Variants in NKD1 observed in about 807,000 individuals in gnomAD.
The protein encoded by NKD1 is NKD inhibitor of Wnt signaling pathway 1.
NKD1 carries 21 observed loss-of-function variants against 56.0 expected under a neutral mutation model. The ratio of observed to expected loss-of-function variants is 0.38; its 90% confidence interval spans 0.27 to 0.54. NKD1 has a LOEUF of 0.54. NKD1 is among the 20% of genes least tolerant of loss of function. NKD1 has a pLI of 0.82. For missense variants in NKD1, 578 were observed against 642.7 expected (o/e 0.90, Z 1.09); for synonymous variants, 263 against 265.7 (o/e 0.99, Z 0.10).
chr16:50,588,598 CTT>C (rs574622414), intron 3 of NKD1, among the ~76,000 whole-genome samples: 28 of 94,674 alleles, frequency 3.0e-4, no homozygotes, highest in African/African-American at 1.2e-3. Context: ...TTTTCTTCTG[CTT>C]TTTTTTTTTT....
chr16:50,559,621 T>C (rs1960578398), intron 3 of NKD1, among the ~76,000 whole-genome samples: 1 of 151,908 alleles, frequency 6.6e-6, no homozygotes, highest in African/African-American at 2.4e-5. Context: ...CACTGTATGT[T>C]GCATCCCGTC....
chr16:50,574,786 A>C, intron 3 of NKD1: 1 of 985,458 alleles, frequency 1.0e-6, no homozygotes, highest in Non-Finnish European at 1.2e-6. Context: ...CCCTGTAAAA[A>C]TAAAAAGTTA....
chr16:50,553,570 C>T (rs1960436807), intron 3 of NKD1: 1 of 152,162 alleles, frequency 6.6e-6, no homozygotes, highest in South Asian at 2.1e-4. Flanking sequence ...GCCCGAGTGC[C>T]AGATTCCAAG....
At chr16:50,585,911 C>T (rs1486776127) in intron 3 of NKD1, among the ~76,000 whole-genome samples, 2 of 152,210 alleles carry the variant, frequency 1.3e-5, no homozygotes, top group East Asian at 3.8e-4. Context: ...GTAAAGCACC[C>T]TCTTCACAAG....
rs1408236637 is a variant in NKD1, at chr16:50,633,196, C to G, written c.828C>G (p.Ser276=). 1 of 1,602,290 alleles carries G rather than the reference C, an allele frequency of 6.2e-7. No homozygotes were observed. The highest frequency in any genetic ancestry group is 8.5e-7 in the Non-Finnish European group (1 of 1,172,162). ...GTCTGTTGAATTGGTTCCTAGGCTC[C>G]CCTTCCGTGGCCCAGAAGTCAGAAC... The part of the protein sequence containing the change: ...ENYTSQFGPG[S]PSVAQKSELP... Residue 276 remains serine (S), a synonymous_variant, in exon 10 of 10, where the codon TCC becomes TCG. Transcript: ENST00000268459. The surrounding 1 kb of genome is among the most constrained non-coding windows in gnomAD (Gnocchi z 4.9).
chr16:50,629,663 C>T (rs1165978330), intron 6 of NKD1, among the ~76,000 whole-genome samples: 1 of 152,238 alleles, frequency 6.6e-6, no homozygotes, highest in East Asian at 1.9e-4. Flanking sequence ...CTTAGGGAGG[C>T]TGAGGCTGGA....
intron 3 of NKD1, among the ~76,000 whole-genome samples, chr16:50,582,190 T>A (rs1238960792): frequency 1.3e-5 from 2 of 152,192 alleles, no homozygotes; most frequent in Non-Finnish European, 2.9e-5. Flanking sequence ...TCAGTGGGCC[T>A]CAGATCATGA....
intron 3 of NKD1, among the ~76,000 whole-genome samples, chr16:50,562,809 G>A (rs117381127): frequency 2.6e-5 from 4 of 152,182 alleles, no homozygotes; most frequent in Non-Finnish European, 5.9e-5. Flanking sequence ...CCTAATGAGC[G>A]ACCCTACAGA....
chr16:50,551,332 G>A (rs1960379827), intron 3 of NKD1, among the ~76,000 whole-genome samples: 1 of 152,222 alleles, frequency 6.6e-6, no homozygotes, highest in East Asian at 1.9e-4. Context: ...GACAGCATGG[G>A]ATGGTGCCTG....
At position 50,548,506 on chromosome 16, in the gene NKD1, G is replaced by C. The variant is rs777648200; in HGVS notation, c.-48G>C. 19 of 1,374,262 alleles carry C rather than the reference G, an allele frequency of 1.4e-5. No individual in the cohort carries two copies. In the South Asian group the frequency reaches 2.4e-4, roughly 17 times the overall value. The allele number at this position is 1,374,262 out of a possible 1,614,324, so 85.1% of individuals were successfully genotyped here. The stretch of plus-strand genomic sequence containing the variant: ...GAGCCAAGGGAGGCGCCAGGCCCGC[G>C]GGCCGGGCGCATGGCTTAGGGACGC... On this transcript the variant is annotated 5_prime_UTR_variant, in exon 1 of 10. Coordinates refer to ENST00000268459, the MANE Select transcript of NKD1 (RefSeq NM_033119.5).
chr16:50,596,576 A>G (rs2151272913), intron 3 of NKD1, among the ~76,000 whole-genome samples: 1 of 152,316 alleles, frequency 6.6e-6, no homozygotes, highest in African/African-American at 2.4e-5. Context: ...ATGTAATCAC[A>G]TTTTCTCTGC....
At chr16:50,622,748 T>A (rs181671981) in intron 5 of NKD1, among the ~76,000 whole-genome samples, 8 of 152,298 alleles carry the variant, frequency 5.3e-5, no homozygotes, top group Middle Eastern at 3.4e-3. Flanking sequence ...TTCTCACCAA[T>A]GCTGATTGGC....
intron 3 of NKD1, among the ~76,000 whole-genome samples, chr16:50,579,626 A>C (rs1961071022): frequency 7.3e-6 from 1 of 137,726 alleles, no homozygotes; most frequent in Non-Finnish European, 1.5e-5. Flanking sequence ...CCCGCCACGC[A>C]TGCACTGTCT....
In NKD1 at chr16:50,633,553, C is replaced by G; in HGVS notation, c.1185C>G (p.Ala395=). The change falls in exon 10 of 10, where the codon GCC becomes GCG. Residue 395 remains alanine (A), a synonymous_variant. Coordinates refer to ENST00000268459, the MANE Select transcript of NKD1 (RefSeq NM_033119.5). This position sits in a 1 kb window ranked among gnomAD's most constrained non-coding sequence, Gnocchi z 4.9. ...AASPALLPSL[A]PLGHKKHKHR... Reference sequence around the variant, plus strand: ...GCCCGGCCCTCCTCCCCTCCCTAGCCCCCCTCGGGCACAAGAAGCACAAGC... The same window carrying G: ...GCCCGGCCCTCCTCCCCTCCCTAGCGCCCCTCGGGCACAAGAAGCACAAGC... 1 of 1,611,392 alleles carries G rather than the reference C, an allele frequency of 6.2e-7. No individual in the cohort carries two copies. Among genetic ancestry groups the G allele is most frequent in the South Asian group, 1.1e-5 (1 of 90,948 alleles).
chr16:50,548,770 G>C, intron 2 of NKD1, 21 bp downstream of exon 2: 1 of 1,392,842 alleles, frequency 7.2e-7, no homozygotes, highest in Non-Finnish European at 9.2e-7. Flanking sequence ...GCGGGGCGCA[G>C]ACCTCGGGGA....
At chr16:50,579,978 G>GCACACGCACCCTAACCTGCTA (rs1296514075) in intron 3 of NKD1, among the ~76,000 whole-genome samples, 4 of 150,598 alleles carry the variant, frequency 2.7e-5, no homozygotes, top group African/African-American at 9.8e-5. Flanking sequence ...GGTACCTGCT[G>GCACACGCACCCTAACCTGCTA]CACACGCACC....
At chr16:50,559,055 A>C (rs962570149) in intron 3 of NKD1, among the ~76,000 whole-genome samples, 38 of 152,356 alleles carry the variant, frequency 2.5e-4, no homozygotes, top group African/African-American at 8.2e-4. Context: ...TCCCAGCTGC[A>C]CTTCTCCCCA....
At chr16:50,565,777 G>T (rs1378132171) in intron 3 of NKD1, among the ~76,000 whole-genome samples, 1 of 152,164 alleles carries the variant, frequency 6.6e-6, no homozygotes, top group Admixed American at 6.5e-5. Flanking sequence ...TCCGCACCTT[G>T]CTTTCTTAAT....
chr16:50,584,903 G>A (rs918499894), intron 3 of NKD1, among the ~76,000 whole-genome samples: 1 of 152,212 alleles, frequency 6.6e-6, no homozygotes, highest in African/African-American at 2.4e-5. Flanking sequence ...GCTGTCGTCT[G>A]TAGATCGTAA....
Sources: allele counts gnomAD v4.1 joint callset (sites outside exome capture counted in the v4.1 genomes callset), GRCh38; gene constraint gnomAD v4.1.1; non-coding constraint Gnocchi (gnomAD v3.1); transcripts MANE v1.5; gene names NCBI Gene and HGNC (gene_info 2026-07-23, HGNC 2026-07-21).